XPO7: variants seen among roughly 807,000 people sequenced by gnomAD.
XPO7 encodes exportin-7.
In XPO7, 21 loss-of-function variants were observed where a neutral mutation model predicts 144.3. The ratio of observed to expected loss-of-function variants is 0.15; its 90% confidence interval spans 0.10 to 0.21. XPO7 has a LOEUF of 0.21. XPO7 is among the 10% of genes least tolerant of loss of function. The pLI is 1.00. For missense variants in XPO7, 808 were observed against 1,325.8 expected (o/e 0.61, Z 6.06); for synonymous variants, 580 against 499.6 (o/e 1.16, Z -2.15).
intron 15 of XPO7, chr8:21,988,385 AT>A (rs898251890): frequency 1.6e-3 from 246 of 149,688 alleles, no homozygotes; most frequent in South Asian, 3.8e-3. Context: ...GCCCTTTTTT[AT>A]TTTTTTTTTT....
intron 13 of XPO7, 138 bp from the exon 14 acceptor site, chr8:21,987,003 A>AT: frequency 8.1e-7 from 1 of 1,229,394 alleles, no homozygotes; most frequent in Non-Finnish European, 1.1e-6. Context: ...TGCCTCCCTC[A>AT]TTTATGTAGA....
chr8:21,970,104 A>G (rs372060127), intron 3 of XPO7, 40 bp from the exon 4 acceptor site: 19 of 1,590,330 alleles, frequency 1.2e-5, no homozygotes, highest in Admixed American at 1.8e-5. Context: ...AGAGCTTTCT[A>G]TTATGTGGAT....
chr8:21,924,616 A>G (rs372582864), intron 1 of XPO7, among the ~76,000 whole-genome samples: 2 of 152,252 alleles, frequency 1.3e-5, no homozygotes, highest in East Asian at 3.9e-4. Flanking sequence ...GATGGAAGCT[A>G]TGTTACTGCT....
intron 4 of XPO7, 82 bp downstream of exon 4, chr8:21,970,392 A>AC (rs10666919): frequency 7.9e-6 from 10 of 1,269,802 alleles, no homozygotes; most frequent in African/African-American, 3.0e-5. Context: ...ACACACACAC[A>AC]ACTTAACACG....
At chr8:21,987,305 G>T in intron 14 of XPO7, 29 bp downstream of exon 14, 1 of 1,613,372 alleles carries the variant, frequency 6.2e-7, no homozygotes, top group Non-Finnish European at 8.5e-7. Flanking sequence ...GCTCCCCTTA[G>T]TTCTCACTTC....
intron 1 of XPO7, among the ~76,000 whole-genome samples, chr8:21,932,721 A>G (rs1018765948): frequency 1.3e-5 from 2 of 152,224 alleles, no homozygotes; most frequent in African/African-American, 4.8e-5. Flanking sequence ...TTAAATGTTT[A>G]GATGACAATT....
intron 1 of XPO7, among the ~76,000 whole-genome samples, chr8:21,939,741 A>G (rs1810933838): frequency 6.6e-6 from 1 of 152,250 alleles, no homozygotes; most frequent in Admixed American, 6.5e-5. Flanking sequence ...GATAAGTGAC[A>G]GAGTGGCAAG....
intron 1 of XPO7, among the ~76,000 whole-genome samples, chr8:21,953,177 A>G (rs902142955): frequency 1.3e-5 from 2 of 152,132 alleles, no homozygotes; most frequent in Non-Finnish European, 1.5e-5. Context: ...TGTATCTACA[A>G]TTACAGTATC....
chr8:21,957,315 C>CT (rs1352098308), intron 1 of XPO7, among the ~76,000 whole-genome samples: 1 of 152,106 alleles, frequency 6.6e-6, no homozygotes, highest in East Asian at 1.9e-4. Context: ...GTGAGGAGGA[C>CT]TATCTGGGAA....
intron 1 of XPO7, among the ~76,000 whole-genome samples, chr8:21,944,494 G>A (rs1811094375): frequency 6.6e-6 from 1 of 152,142 alleles, no homozygotes; most frequent in Admixed American, 6.5e-5. Flanking sequence ...TTGAACCCAG[G>A]AGGCGGAGGC....
chr8:21,945,387 G>T (rs1046863734), intron 1 of XPO7, among the ~76,000 whole-genome samples: 3 of 152,202 alleles, frequency 2.0e-5, no homozygotes, highest in Non-Finnish European at 2.9e-5. Context: ...GAGCTAGAAA[G>T]ATGTCTAAAT....
chr8:21,996,847 C>T (rs369409100), intron 21 of XPO7, among the ~76,000 whole-genome samples: 34 of 151,892 alleles, frequency 2.2e-4, no homozygotes, highest in South Asian at 1.2e-3. Context: ...TCTCTCTTGT[C>T]GCCAGGCTGA....
intron 1 of XPO7, among the ~76,000 whole-genome samples, chr8:21,931,873 CTTTA>C (rs760337821): frequency 2.6e-5 from 4 of 151,768 alleles, no homozygotes; most frequent in East Asian, 1.9e-4. Flanking sequence ...TAGAAGATTA[CTTTA>C]TTTATTTATT....
At chr8:21,955,389 T>TA (rs1179931177) in intron 1 of XPO7, among the ~76,000 whole-genome samples, 2 of 152,226 alleles carry the variant, frequency 1.3e-5, no homozygotes, top group Non-Finnish European at 2.9e-5. Flanking sequence ...TTTCCAAATT[T>TA]AAAGTACAGT....
At chr8:21,940,556 A>G (rs537588891) in intron 1 of XPO7, among the ~76,000 whole-genome samples, 2 of 145,900 alleles carry the variant, frequency 1.4e-5, no homozygotes, top group East Asian at 2.0e-4. Context: ...TGCAACCTCC[A>G]TCTCCTGTGT....
intron 1 of XPO7, among the ~76,000 whole-genome samples, chr8:21,924,395 C>A (rs937573765): frequency 6.6e-6 from 1 of 152,024 alleles, no homozygotes; most frequent in South Asian, 2.1e-4. Context: ...TCAGTATTAT[C>A]GGTGCCCCAG....
intron 1 of XPO7, among the ~76,000 whole-genome samples, chr8:21,945,326 A>G (rs7814195): frequency 0.22 from 33,231 of 152,198 alleles, 5,298 homozygotes; most frequent in African/African-American, 0.45. Context: ...AACTGCTGGA[A>G]TAGAAGTCTA....
chr8:21,946,971 A>T (rs1811214472), intron 1 of XPO7, among the ~76,000 whole-genome samples: 1 of 152,228 alleles, frequency 6.6e-6, no homozygotes, highest in Admixed American at 6.5e-5. Flanking sequence ...GGGCACTAAA[A>T]GTCATTTTTA....
chr8:21,957,174 T>G (rs1811562862), intron 1 of XPO7, among the ~76,000 whole-genome samples: 1 of 150,312 alleles, frequency 6.7e-6, no homozygotes, highest in Non-Finnish European at 1.5e-5. Flanking sequence ...TGGATCCTAG[T>G]GAGGGAAGAC....
Sources: gnomAD v4.1 joint callset for allele counts (sites outside exome capture counted in the v4.1 genomes callset) on GRCh38, gnomAD v4.1.1 for gene constraint, MANE v1.5 for transcripts, NCBI Gene and HGNC (gene_info 2026-07-23, HGNC 2026-07-21) for gene names.